CTTNBP2: variants seen among roughly 807,000 people sequenced by gnomAD.
CTTNBP2 encodes cortactin-binding protein 2.
A neutral mutation model predicts 156.9 loss-of-function variants in CTTNBP2; 108 were observed. That is an observed-to-expected ratio of 0.69 (90% CI 0.59 to 0.81). The LOEUF (loss-of-function observed/expected upper bound fraction) is 0.81, where lower values mean the gene tolerates loss of function less well. Among genes scored for constraint, CTTNBP2 ranks in the 30% least tolerant of loss-of-function variants. The probability of loss-of-function intolerance (pLI) is 0.00; values close to 1 mark genes in which losing one functional copy is unlikely to be tolerated. For synonymous variants in CTTNBP2, 767 were observed against 751.8 expected, an observed-to-expected ratio of 1.02 and a Z score of -0.33; for missense variants, 1,924 against 2,035.4, an observed-to-expected ratio of 0.95 and a Z score of 1.05.
At chr7:117,802,970 T>C (rs1029347002) in intron 3 of CTTNBP2, among the ~76,000 whole-genome samples, 1 of 152,208 alleles carries the variant, frequency 6.6e-6, no homozygotes, top group Non-Finnish European at 1.5e-5. Flanking sequence ...TGGAAAGCAG[T>C]TTGGAGATTT....
intron 20 of CTTNBP2, among the ~76,000 whole-genome samples, chr7:117,720,723 G>A (rs780071045): frequency 2.0e-4 from 30 of 152,230 alleles, no homozygotes; most frequent in Admixed American, 7.2e-4. Context: ...TACTGTTTCT[G>A]TAAATCTGTG....
At chr7:117,769,272 A>G (rs1427105608) in intron 8 of CTTNBP2, among the ~76,000 whole-genome samples, 3 of 152,238 alleles carry the variant, frequency 2.0e-5, no homozygotes, top group African/African-American at 7.2e-5. Flanking sequence ...CAAAAAACTA[A>G]GCAGAAACCA....
At chr7:117,843,876 TGAATATG>T (rs1219348049) in intron 2 of CTTNBP2, among the ~76,000 whole-genome samples, 16 of 152,196 alleles carry the variant, frequency 1.1e-4, no homozygotes, top group African/African-American at 3.1e-4. Flanking sequence ...CCGGGACCTG[TGAATATG>T]TTCCCTTACA....
In CTTNBP2 at chr7:117,855,409, G is replaced by A. The variant is rs568799827; in HGVS notation, c.189+5800C>T. Among the ~76,000 whole-genome samples, 14 of 152,278 alleles carry A rather than the reference G, an allele frequency of 9.2e-5. No individual in the cohort carries two copies. The South Asian group carries it at 1.9e-3, about 20-fold the overall frequency. On this transcript the variant is annotated intron_variant, in intron 2 of 22. Transcript: ENST00000160373. The stretch of plus-strand genomic sequence containing the variant: ...ATCACAGGTGTGAGCTGCCACGCCT[G>A]GCCAATTTTAGCAAAATCAGTTTTA...
At chr7:117,787,463 A>G (rs575193691) in intron 4 of CTTNBP2, among the ~76,000 whole-genome samples, 135 of 152,334 alleles carry the variant, frequency 8.9e-4, no homozygotes, top group African/African-American at 3.1e-3. Context: ...CTTTAAGCCA[A>G]TCATACATGG....
rs866693029 is a variant in CTTNBP2 at position 117,770,112 on chromosome 7, T to C, written c.2779-2936A>G. 2.8e-4 allele frequency among the ~76,000 whole-genome samples: 43 copies of C among 152,304 alleles called. 1 individual carries two copies. The South Asian group carries it at 3.9e-3, about 14-fold the overall frequency. On this transcript the variant is annotated intron_variant, in intron 8 of 22. Transcript: ENST00000160373. The stretch of plus-strand genomic sequence containing the variant: ...CACCAGCTAGAAAACAGTCCAAATA[T>C]CCAGTTAACTGGTGAGGTACTATAG...
intron 2 of CTTNBP2, among the ~76,000 whole-genome samples, chr7:117,836,420 C>T (rs1801939879): frequency 6.6e-6 from 1 of 152,044 alleles, no homozygotes; most frequent in South Asian, 2.1e-4. Context: ...AAAAATTAGC[C>T]AGGCGTGGTG....
chr7:117,807,197 A>C (rs931665134), intron 3 of CTTNBP2, among the ~76,000 whole-genome samples: 1 of 152,226 alleles, frequency 6.6e-6, no homozygotes. Flanking sequence ...TTTTTAATGT[A>C]ACAATGCAAC....
intron 2 of CTTNBP2, among the ~76,000 whole-genome samples, chr7:117,835,416 C>T (rs1269320115): frequency 1.3e-5 from 2 of 152,216 alleles, no homozygotes; most frequent in East Asian, 1.9e-4. Context: ...GTAGCCAAGG[C>T]TCAGCCAATC....
At chr7:117,745,512 A>G (rs1796277461) in intron 14 of CTTNBP2, among the ~76,000 whole-genome samples, 1 of 152,240 alleles carries the variant, frequency 6.6e-6, no homozygotes, top group Non-Finnish European at 1.5e-5. Context: ...TCTAAACAGC[A>G]TCAAAGATGC....
intron 2 of CTTNBP2, among the ~76,000 whole-genome samples, chr7:117,855,945 T>C (rs1244393648): frequency 6.6e-6 from 1 of 152,252 alleles, no homozygotes; most frequent in East Asian, 1.9e-4. Context: ...GCCTGCTACA[T>C]AATAGGTATT....
chr7:117,858,378 G>C (rs1803478688), intron 2 of CTTNBP2, among the ~76,000 whole-genome samples: 1 of 152,026 alleles, frequency 6.6e-6, no homozygotes, highest in Non-Finnish European at 1.5e-5. Flanking sequence ...TCAAAAAAAA[G>C]AAAACAAAAA....
chr7:117,803,913 T>C (rs1799773069), intron 3 of CTTNBP2, among the ~76,000 whole-genome samples: 1 of 152,152 alleles, frequency 6.6e-6, no homozygotes, highest in African/African-American at 2.4e-5. Context: ...GTAGATTAAA[T>C]TTGAATAACT....
chr7:117,784,842 C>G (rs1354078576), intron 4 of CTTNBP2, among the ~76,000 whole-genome samples: 1 of 152,102 alleles, frequency 6.6e-6, no homozygotes, highest in Non-Finnish European at 1.5e-5. Flanking sequence ...AAGTTTTCCT[C>G]TAATTCAATA....
rs576110831 is a variant in CTTNBP2 at position 117,782,960 on chromosome 7, G to C, written c.2274C>G (p.Asp758Glu). ...CTGCACTCAGCAGCAATCTCACACAGTCTATGGATTTTAATAGAAAGCCAT... is the reference window on the plus strand; with the variant it reads ...CTGCACTCAGCAGCAATCTCACACACTCTATGGATTTTAATAGAAAGCCAT... ...LYSAAKNGHT[D>E]CVRLLLSAEA... Residue 758 changes from aspartate to glutamate, a missense_variant and splice_region_variant, in exon 6 of 23, where the codon GAC (aspartate) becomes GAG (glutamate). Asp to Glu is a conservative substitution (Grantham distance 45). Coordinates refer to ENST00000160373, the MANE Select transcript of CTTNBP2 (RefSeq NM_033427.3). 5.6e-6 allele frequency: 9 copies of C among 1,610,342 alleles called. No individual in the cohort carries two copies. The African/African-American group carries it at 9.4e-5, about 17-fold the overall frequency.
In CTTNBP2 at chr7:117,791,521, G is replaced by C; in HGVS notation, c.1675C>G (p.Pro559Ala). 10 of 1,614,166 alleles carry C rather than the reference G, an allele frequency of 6.2e-6. No homozygotes were observed. Among genetic ancestry groups the C allele is most frequent in the Non-Finnish European group, 8.5e-6 (10 of 1,180,024 alleles). The change falls in exon 4 of 23, where the codon CCA (proline) becomes GCA (alanine). Residue 559 changes from proline to alanine, a missense_variant. Pro to Ala is a conservative substitution (Grantham distance 27). Coordinates refer to ENST00000160373, the MANE Select transcript of CTTNBP2 (RefSeq NM_033427.3). ...KPGLSQTPSP[P>A]HPQLKVIIDS... ...ATAATAACCTTGAGTTGGGGGTGTGGTGGAGAAGGAGTTTGGGAGAGCCCT... is the reference window on the plus strand; with the variant it reads ...ATAATAACCTTGAGTTGGGGGTGTGCTGGAGAAGGAGTTTGGGAGAGCCCT...
Position 117,760,466 on chromosome 7 carries a change from G to A in CTTNBP2, c.3141C>T (p.Leu1047=). Residue 1047 remains leucine (L), a synonymous_variant, in exon 10 of 23, where the codon CTC becomes CTT. Coordinates refer to ENST00000160373, the MANE Select transcript of CTTNBP2 (RefSeq NM_033427.3). The stretch of plus-strand genomic sequence containing the variant: ...TGATGGATCGTATGCTTCTTGCACT[G>A]AGGCCGATGTTGGAATCAGTGGTGT... The part of the protein sequence containing the change: ...CNNTTDSNIG[L]SARSIRSITL... 1 of 1,614,094 alleles carries A rather than the reference G, an allele frequency of 6.2e-7. No individual in the cohort carries two copies. The highest frequency in any genetic ancestry group is 8.5e-7 in the Non-Finnish European group (1 of 1,179,958).
In CTTNBP2 at chr7:117,762,015, T is replaced by A. The variant is rs1584959356; in HGVS notation, c.2897-1305A>T. On this transcript the variant is annotated intron_variant, in intron 9 of 22. Transcript: ENST00000160373. ...TCTGACAAAAGTGATCTCTCTTTGCTCCTTGATATACTCCTCCTGGATCTC... is the reference window on the plus strand; with the variant it reads ...TCTGACAAAAGTGATCTCTCTTTGCACCTTGATATACTCCTCCTGGATCTC... 9.8e-5 allele frequency among the ~76,000 whole-genome samples: 15 copies of A among 152,330 alleles called. No homozygotes were observed. In the South Asian group the frequency reaches 3.1e-3, roughly 32 times the overall value.
At chr7:117,779,468 C>T (rs1034128429) in intron 7 of CTTNBP2, among the ~76,000 whole-genome samples, 3 of 152,038 alleles carry the variant, frequency 2.0e-5, no homozygotes, top group Non-Finnish European at 4.4e-5. Context: ...TCTGTGTTCT[C>T]TAACTTAGGA....
Sources: allele counts gnomAD v4.1 joint callset (sites outside exome capture counted in the v4.1 genomes callset), GRCh38; gene constraint gnomAD v4.1.1; transcripts MANE v1.5; gene names NCBI Gene and HGNC (gene_info 2026-07-23, HGNC 2026-07-21).